The following CXCL13 variants were observed in gnomAD, a reference collection of about 807,000 sequenced individuals.
CXCL13 encodes C-X-C motif chemokine 13.
In CXCL13, 7 loss-of-function variants were observed where a neutral mutation model predicts 12.2. The ratio of observed to expected loss-of-function variants is 0.57; its 90% confidence interval spans 0.33 to 1.07. The LOEUF is 1.07. Among genes scored for constraint, CXCL13 ranks in the 50% least tolerant of loss-of-function variants. CXCL13 has a pLI of 0.04. For missense variants in CXCL13, 113 were observed against 127.4 expected (o/e 0.89, Z 0.55); for synonymous variants, 47 against 42.4 (o/e 1.11, Z -0.42).
intron 1 of CXCL13, among the ~76,000 whole-genome samples, chr4:77,587,889 G>T (rs1303203466): frequency 6.6e-6 from 1 of 152,244 alleles, no homozygotes; most frequent in Non-Finnish European, 1.5e-5. Context: ...GCTTGAGCCA[G>T]AAACAACTCC....
At chr4:77,562,353 G>A (rs959201677) in intron 1 of CXCL13, among the ~76,000 whole-genome samples, 1 of 152,060 alleles carries the variant, frequency 6.6e-6, no homozygotes, top group Non-Finnish European at 1.5e-5. Context: ...TTGGCAGGAA[G>A]CTCCACCTGC....
chr4:77,578,408 T>A (rs1326378881), intron 1 of CXCL13, among the ~76,000 whole-genome samples: 1 of 152,194 alleles, frequency 6.6e-6, no homozygotes, highest in Non-Finnish European at 1.5e-5. Flanking sequence ...TTCATTCTTA[T>A]CCTTATCTTT....
intron 1 of CXCL13, among the ~76,000 whole-genome samples, chr4:77,563,849 A>G (rs896557090): frequency 6.6e-5 from 10 of 152,220 alleles, no homozygotes; most frequent in Admixed American, 5.9e-4. Context: ...TGGGACATAC[A>G]TACTTTCTAT....
intron 1 of CXCL13, among the ~76,000 whole-genome samples, chr4:77,581,962 C>T (rs1019328792): frequency 1.3e-5 from 2 of 152,164 alleles, no homozygotes; most frequent in African/African-American, 4.8e-5. Flanking sequence ...TTAAAGTTCA[C>T]TAAAGGAGAG....
At chr4:77,545,658 G>A (rs958193068) in intron 1 of CXCL13, among the ~76,000 whole-genome samples, 2 of 152,134 alleles carry the variant, frequency 1.3e-5, no homozygotes, top group Admixed American at 6.6e-5. Flanking sequence ...CTGAGATGAC[G>A]GGGTTTTCTA....
chr4:77,607,769 C>G lies in CXCL13; in HGVS notation c.131C>G (p.Pro44Arg). 6.2e-7 allele frequency: 1 copy of G among 1,613,968 alleles called. No homozygotes were observed. The highest frequency in any genetic ancestry group is 8.5e-7 in the Non-Finnish European group (1 of 1,179,894). The change falls in exon 2 of 4, where the codon CCT becomes CGT. Residue 44 changes from proline to arginine, a missense_variant. Physicochemically the swap from Pro to Arg is moderately radical, Grantham distance 103 (BLOSUM62 -2). Coordinates refer to ENST00000682537, the MANE Select transcript of CXCL13 (RefSeq NM_001371558.1). ...RCVQESSVFI[P>R]RRFIDRIQIL... ...GTCCAAGAGAGCTCAGTCTTTATCCCTAGACGCTTCATTGATCGAATTCAA... is the reference window on the plus strand; with the variant it reads ...GTCCAAGAGAGCTCAGTCTTTATCCGTAGACGCTTCATTGATCGAATTCAA...
intron 1 of CXCL13, among the ~76,000 whole-genome samples, chr4:77,596,113 C>T (rs1479262847): frequency 6.6e-6 from 1 of 152,182 alleles, no homozygotes; most frequent in Non-Finnish European, 1.5e-5. Context: ...AGATAGAAGG[C>T]AGTATAACAA....
intron 1 of CXCL13, among the ~76,000 whole-genome samples, chr4:77,556,709 A>T (rs1725667712): frequency 6.6e-6 from 1 of 152,214 alleles, no homozygotes; most frequent in South Asian, 2.1e-4. Context: ...AAAAATTCAA[A>T]GATGAATCCA....
At position 77,558,518 on chromosome 4, in the gene CXCL13, A is replaced by G. The variant is rs145925569; in HGVS notation, c.-43+46730A>G. 4.5e-3 allele frequency among the ~76,000 whole-genome samples: 682 copies of G among 152,200 alleles called. 18 individuals are homozygous for G. The highest frequency in any genetic ancestry group is 0.027 in the East Asian group (141 of 5,172). On this transcript the variant is annotated intron_variant, in intron 1 of 4. Coordinates refer to the CXCL13 transcript ENST00000286758. ...CAGGTGTAAGTCACCATACTTGGCTAGTTTTTGTATTTTTAGTAGAGATGA... is the reference window on the plus strand; with the variant it reads ...CAGGTGTAAGTCACCATACTTGGCTGGTTTTTGTATTTTTAGTAGAGATGA...
intron 1 of CXCL13, among the ~76,000 whole-genome samples, chr4:77,573,070 A>C (rs1419842773): frequency 6.6e-6 from 1 of 151,842 alleles, no homozygotes; most frequent in Non-Finnish European, 1.5e-5. Context: ...AACAACCGAC[A>C]CTAGTGCCTA....
intron 1 of CXCL13, among the ~76,000 whole-genome samples, chr4:77,594,176 T>C (rs1257251415): frequency 6.6e-6 from 1 of 152,154 alleles, no homozygotes; most frequent in African/African-American, 2.4e-5. Flanking sequence ...CTGGCTTGAG[T>C]CATGCATGTC....
At chr4:77,520,191 A>G (rs1375677399) in intron 1 of CXCL13, among the ~76,000 whole-genome samples, 3 of 152,116 alleles carry the variant, frequency 2.0e-5, no homozygotes, top group Non-Finnish European at 4.4e-5. Context: ...TTGTCTTGGC[A>G]ATGCGGGCTC....
intron 1 of CXCL13, among the ~76,000 whole-genome samples, chr4:77,522,009 G>C (rs1724613600): frequency 6.6e-6 from 1 of 152,130 alleles, no homozygotes. Flanking sequence ...TTTCCATGTA[G>C]TTGTGCAGTT....
intron 1 of CXCL13, among the ~76,000 whole-genome samples, chr4:77,538,352 G>A (rs577575347): frequency 6.6e-6 from 1 of 150,894 alleles, no homozygotes; most frequent in East Asian, 2.0e-4. Context: ...TTTTTAATCA[G>A]TGAAGAATGA....
intron 1 of CXCL13, among the ~76,000 whole-genome samples, chr4:77,533,567 A>T (rs1008860806): frequency 6.6e-6 from 1 of 152,170 alleles, no homozygotes; most frequent in Admixed American, 6.5e-5. Flanking sequence ...AGGCTATCAG[A>T]CAGGGACATT....
At chr4:77,606,184 C>A (rs1473870786) in intron 1 of CXCL13, among the ~76,000 whole-genome samples, 2 of 152,144 alleles carry the variant, frequency 1.3e-5, no homozygotes, top group East Asian at 3.9e-4. Context: ...TATATATTCC[C>A]AGCCTTTTTC....
At position 77,595,091 on chromosome 4, in the gene CXCL13, T is replaced by C. The variant is rs1000430580; in HGVS notation, c.-42-10733T>C. Among the ~76,000 whole-genome samples, 14 of 99,172 alleles carry C rather than the reference T, an allele frequency of 1.4e-4. No homozygotes were observed. The Admixed American group carries it at 1.7e-3, about 12-fold the overall frequency. 65.1% of individuals were successfully genotyped at this position (99,172 alleles called of 152,430 possible). On this transcript the variant is annotated intron_variant, in intron 1 of 4. Coordinates refer to the CXCL13 transcript ENST00000286758. ...TACCAGCAGCACATCATTTTTGGTT[T>C]TAGGTGATTTTTTTTTTTTTTTTTT...
intron 1 of CXCL13, among the ~76,000 whole-genome samples, chr4:77,553,526 C>T (rs1560524339): frequency 6.6e-6 from 1 of 152,248 alleles, no homozygotes; most frequent in Non-Finnish European, 1.5e-5. Flanking sequence ...AAGTGCTCTC[C>T]CTTGGCCTGA....
At chr4:77,599,476 C>T (rs1726846154) in intron 1 of CXCL13, among the ~76,000 whole-genome samples, 1 of 152,152 alleles carries the variant, frequency 6.6e-6, no homozygotes, top group Non-Finnish European at 1.5e-5. Flanking sequence ...TTTTGATTCA[C>T]AGTTGGTTGG....
Sources: allele counts gnomAD v4.1 joint callset (sites outside exome capture counted in the v4.1 genomes callset), GRCh38; gene constraint gnomAD v4.1.1; transcripts MANE v1.5; gene names NCBI Gene and HGNC (gene_info 2026-07-23, HGNC 2026-07-21).